The following CTDSPL variants were observed in gnomAD, a reference collection of about 807,000 sequenced individuals.
The protein encoded by CTDSPL is CTD small phosphatase-like protein.
A neutral mutation model predicts 30.5 loss-of-function variants in CTDSPL; 8 were observed. The ratio of observed to expected loss-of-function variants is 0.26; its 90% CI spans 0.15 to 0.47. The LOEUF (loss-of-function observed/expected upper bound fraction) is 0.47. CTDSPL is among the 20% of genes least tolerant of loss of function. The pLI, the probability that CTDSPL is intolerant of heterozygous loss-of-function variation, is 0.99. For missense variants in CTDSPL, 248 were observed against 366.1 expected (o/e 0.68, Z 2.63); for synonymous variants, 110 against 137.9 (o/e 0.80, Z 1.42).
At chr3:37,942,027 G>C (rs1294885067) in intron 1 of CTDSPL, among the ~76,000 whole-genome samples, 1 of 150,362 alleles carries the variant, frequency 6.7e-6, no homozygotes, top group East Asian at 2.0e-4. Context: ...ACCTCCACTT[G>C]AAAGCATTGT....
intron 2 of CTDSPL, 23 bp from the exon 3 acceptor site, chr3:37,957,088 A>AT (rs199901935): frequency 2.6e-3 from 3,828 of 1,487,310 alleles, no homozygotes; most frequent in Non-Finnish European, 2.9e-3. Context: ...CCTGACAATG[A>AT]TTTTTTTTTT....
chr3:37,874,969 T>G (rs547574291), intron 1 of CTDSPL, among the ~76,000 whole-genome samples: 1 of 152,342 alleles, frequency 6.6e-6, no homozygotes, highest in East Asian at 1.9e-4. Context: ...TAATGACCTA[T>G]CTTTCTCTTA....
chr3:37,974,921 C>G (rs1699408475), intron 6 of CTDSPL, among the ~76,000 whole-genome samples: 1 of 152,220 alleles, frequency 6.6e-6, no homozygotes, highest in Non-Finnish European at 1.5e-5. Flanking sequence ...GTGGTAGATA[C>G]TCTGGGAGGT....
intron 1 of CTDSPL, among the ~76,000 whole-genome samples, chr3:37,946,132 G>A (rs1235449585): frequency 1.3e-5 from 2 of 152,224 alleles, no homozygotes; most frequent in Non-Finnish European, 2.9e-5. Flanking sequence ...CATGGCATGT[G>A]GTGGGACAGT....
At chr3:37,864,662 C>T (rs1019924910) in intron 1 of CTDSPL, among the ~76,000 whole-genome samples, 5 of 152,086 alleles carry the variant, frequency 3.3e-5, no homozygotes, top group South Asian at 2.1e-4. Context: ...ACCAGTAAAC[C>T]GGTTCAGCAA....
chr3:37,910,691 C>T (rs368407871), intron 1 of CTDSPL, among the ~76,000 whole-genome samples: 46 of 152,202 alleles, frequency 3.0e-4, no homozygotes, highest in Non-Finnish European at 5.7e-4. Flanking sequence ...TCAAGCTTTT[C>T]TTTTTATCTG....
chr3:37,873,138 T>C (rs1035917754), intron 1 of CTDSPL, among the ~76,000 whole-genome samples: 1 of 152,174 alleles, frequency 6.6e-6, no homozygotes, highest in Admixed American at 6.5e-5. Context: ...ATGAGCTTCA[T>C]ATTTGGCCAC....
chr3:37,977,063 T>A (rs1333339405), intron 7 of CTDSPL, among the ~76,000 whole-genome samples: 1 of 152,254 alleles, frequency 6.6e-6, no homozygotes, highest in Non-Finnish European at 1.5e-5. Flanking sequence ...TTAATTTGGC[T>A]AGTGTGGAAT....
chr3:37,972,444 A>G (rs1699378108), intron 6 of CTDSPL, among the ~76,000 whole-genome samples: 1 of 152,164 alleles, frequency 6.6e-6, no homozygotes, highest in South Asian at 2.1e-4. Context: ...GTGAGCCAAG[A>G]TCATGCCACT....
intron 7 of CTDSPL, among the ~76,000 whole-genome samples, chr3:37,976,739 A>G (rs1029685207): frequency 2.6e-5 from 4 of 152,064 alleles, no homozygotes; most frequent in African/African-American, 9.7e-5. Context: ...GGAACATTTC[A>G]TTCATAAAGC....
At chr3:37,909,462 T>C (rs1698555587) in intron 1 of CTDSPL, among the ~76,000 whole-genome samples, 1 of 152,178 alleles carries the variant, frequency 6.6e-6, no homozygotes, top group Non-Finnish European at 1.5e-5. Context: ...AGACTGCCTG[T>C]GGCCTGCCCC....
In CTDSPL at chr3:37,862,262, G is replaced by C; in HGVS notation, c.63G>C (p.Pro21=). The stretch of plus-strand genomic sequence containing the variant: ...CCAAGGAGGACGAGGGCCGGTTGCC[G>C]GGCGCGGGCGAGAAAGGTGAGGAGG... ...TNPKEDEGRL[P]GAGEKASQCN... is the part of the protein sequence containing the mutation. Residue 21 remains proline, a synonymous_variant, in exon 1 of 8, where the codon CCG becomes CCC. Transcript: ENST00000273179. The surrounding 1 kb of genome is among the most constrained non-coding windows in gnomAD (Gnocchi z 4.3). The C allele has an allele frequency of 6.7e-7, 1 of 1,495,170 alleles. No individual in the cohort carries two copies. Among genetic ancestry groups the C allele is most frequent in the Non-Finnish European group, 8.9e-7 (1 of 1,125,658 alleles). The allele number at this position is 1,495,170 out of a possible 1,614,324, so 92.6% of individuals were successfully genotyped here.
chr3:37,937,096 A>C (rs1197394000), intron 1 of CTDSPL, among the ~76,000 whole-genome samples: 1 of 150,338 alleles, frequency 6.7e-6, no homozygotes, highest in East Asian at 1.9e-4. Context: ...ATCAGTCCAA[A>C]ACCAGGCTCA....
chr3:37,899,263 A>G (rs866722980), intron 1 of CTDSPL, among the ~76,000 whole-genome samples: 1 of 152,192 alleles, frequency 6.6e-6, no homozygotes, highest in Admixed American at 6.5e-5. Context: ...GAGAGAGACT[A>G]AACATTCCTG....
chr3:37,868,243 T>G (rs1267667988), intron 1 of CTDSPL, among the ~76,000 whole-genome samples: 1 of 152,126 alleles, frequency 6.6e-6, no homozygotes, highest in Non-Finnish European at 1.5e-5. Context: ...CCTTCATGTC[T>G]TTTGCCCATG....
chr3:37,894,436 G>A (rs1369228564), intron 1 of CTDSPL, among the ~76,000 whole-genome samples: 2 of 151,726 alleles, frequency 1.3e-5, no homozygotes, highest in Admixed American at 6.6e-5. Flanking sequence ...CTGTTATAAC[G>A]ATCTCCTGGC....
At chr3:37,971,308 GAA>G in intron 5 of CTDSPL, 97 bp from the exon 6 acceptor site, 1 of 1,054,042 alleles carries the variant, frequency 9.5e-7, no homozygotes, top group South Asian at 1.4e-5. Context: ...AGGGAGGCAG[GAA>G]CCTTTGTAGC....
chr3:37,889,188 C>T (rs1480507352), intron 1 of CTDSPL, among the ~76,000 whole-genome samples: 1 of 152,144 alleles, frequency 6.6e-6, no homozygotes. Context: ...TTTATTTATT[C>T]ATGTACTCCC....
intron 1 of CTDSPL, among the ~76,000 whole-genome samples, chr3:37,879,862 G>A (rs879934983): frequency 3.3e-5 from 5 of 151,926 alleles, no homozygotes; most frequent in Non-Finnish European, 7.4e-5. Context: ...ATTATTTTAT[G>A]TATACATATA....
Sources: allele counts gnomAD v4.1 joint callset (sites outside exome capture counted in the v4.1 genomes callset), GRCh38; gene constraint gnomAD v4.1.1; non-coding constraint Gnocchi (gnomAD v3.1); transcripts MANE v1.5; gene names NCBI Gene and HGNC (gene_info 2026-07-23, HGNC 2026-07-21).